DNM3: variants seen among roughly 807,000 people sequenced by gnomAD.
DNM3 encodes the protein dynamin-3.
Under a neutral mutation model 101.6 loss-of-function variants are expected in DNM3, and 47 were observed. The ratio of observed to expected loss-of-function variants is 0.46; its 90% CI spans 0.37 to 0.59. DNM3 has a LOEUF of 0.59. Ranked by LOEUF, DNM3 falls within the 20% of genes least tolerant of loss-of-function variation. The pLI is 0.00. For missense variants in DNM3, 849 were observed against 1,085.7 expected (o/e 0.78, Z 3.06); for synonymous variants, 385 against 387.9 (o/e 0.99, Z 0.09).
At chr1:171,875,589 G>A (rs2035689269) in intron 1 of DNM3, among the ~76,000 whole-genome samples, 1 of 152,110 alleles carries the variant, frequency 6.6e-6, no homozygotes, top group Non-Finnish European at 1.5e-5. Flanking sequence ...GAATACCTGG[G>A]TTCAAATCTC....
chr1:172,255,193 G>A (rs1038863253), intron 15 of DNM3, among the ~76,000 whole-genome samples: 5 of 152,072 alleles, frequency 3.3e-5, no homozygotes, highest in African/African-American at 7.2e-5. Context: ...ATATTCAAAT[G>A]GGATTTTTGA....
At chr1:172,323,848 G>C (rs1365836851) in intron 17 of DNM3, among the ~76,000 whole-genome samples, 2 of 152,160 alleles carry the variant, frequency 1.3e-5, no homozygotes, top group Non-Finnish European at 2.9e-5. Flanking sequence ...GGATGGAGGA[G>C]GGTGGGGTCA....
intron 10 of DNM3, among the ~76,000 whole-genome samples, chr1:172,057,410 A>C (rs1255841797): frequency 6.6e-6 from 1 of 152,144 alleles, no homozygotes; most frequent in Non-Finnish European, 1.5e-5. Flanking sequence ...ACCAAAGTTG[A>C]AATGAAGGAA....
intron 11 of DNM3, among the ~76,000 whole-genome samples, chr1:172,070,234 A>G (rs2052049751): frequency 6.6e-6 from 1 of 152,198 alleles, no homozygotes; most frequent in Middle Eastern, 3.2e-3. Context: ...GTTGAGATGA[A>G]CAAATCAGTA....
At chr1:172,057,003 G>A (rs1439325207) in intron 10 of DNM3, among the ~76,000 whole-genome samples, 2 of 151,998 alleles carry the variant, frequency 1.3e-5, no homozygotes, top group Admixed American at 1.3e-4. Context: ...GCTTAAAGGA[G>A]CTGATGGAGC....
intron 14 of DNM3, among the ~76,000 whole-genome samples, chr1:172,179,310 C>T (rs1406154575): frequency 6.6e-6 from 1 of 151,702 alleles, no homozygotes; most frequent in Non-Finnish European, 1.5e-5. Flanking sequence ...TTTGTTACTC[C>T]CACTAGTATT....
intron 14 of DNM3, among the ~76,000 whole-genome samples, chr1:172,209,876 T>C (rs967719091): frequency 2.6e-5 from 4 of 152,150 alleles, no homozygotes; most frequent in Non-Finnish European, 5.9e-5. Context: ...ATTTTAAAGA[T>C]TATTAATTGT....
At chr1:171,908,444 T>A (rs1166659829) in intron 1 of DNM3, among the ~76,000 whole-genome samples, 1 of 152,198 alleles carries the variant, frequency 6.6e-6, no homozygotes, top group Non-Finnish European at 1.5e-5. Context: ...TATTATTTGC[T>A]AATGGTAGAA....
chr1:171,897,723 ACTTT>A (rs1383354627), intron 1 of DNM3, among the ~76,000 whole-genome samples: 2 of 152,186 alleles, frequency 1.3e-5, no homozygotes, highest in Non-Finnish European at 2.9e-5. Context: ...ATAACATTGA[ACTTT>A]CTTAAATAAT....
Position 172,287,184 on chromosome 1 carries a change from A to G in DNM3, c.1770-21544A>G, listed in dbSNP as rs951389091. Among the ~76,000 whole-genome samples, 6 of 152,306 alleles carry G rather than the reference A, an allele frequency of 3.9e-5. No homozygotes were observed. In the South Asian group the frequency reaches 8.3e-4, roughly 21 times the overall value. On this transcript the variant is annotated intron_variant, in intron 15 of 20. Transcript: ENST00000627582. ...CTAACTCATCACTCCCGCATTTTCTATTTTTGTTTAGATATTTTCTTTGTT... is the reference window on the plus strand; with the variant it reads ...CTAACTCATCACTCCCGCATTTTCTGTTTTTGTTTAGATATTTTCTTTGTT...
At chr1:172,122,578 G>T (rs1421335497) in intron 13 of DNM3, among the ~76,000 whole-genome samples, 1 of 152,114 alleles carries the variant, frequency 6.6e-6, no homozygotes, top group Non-Finnish European at 1.5e-5. Context: ...TTTTTGTTTA[G>T]CTTAATTTAA....
At chr1:172,281,278 G>A (rs2063481722) in intron 15 of DNM3, among the ~76,000 whole-genome samples, 1 of 152,142 alleles carries the variant, frequency 6.6e-6, no homozygotes, top group African/African-American at 2.4e-5. Flanking sequence ...GAACTGAGGA[G>A]ATTGCTGAAA....
chr1:172,052,426 A>T (rs903160038), intron 10 of DNM3, among the ~76,000 whole-genome samples: 4 of 152,116 alleles, frequency 2.6e-5, no homozygotes, highest in Admixed American at 2.6e-4. Flanking sequence ...AGTGACAAAC[A>T]CTCACCTGCT....
intron 13 of DNM3, among the ~76,000 whole-genome samples, chr1:172,128,543 A>G (rs1187065919): frequency 1.3e-5 from 2 of 152,264 alleles, no homozygotes; most frequent in African/African-American, 2.4e-5. Flanking sequence ...ATTAATTTTT[A>G]CAATGAATTT....
At chr1:172,252,446 A>G (rs2148682966) in intron 14 of DNM3, among the ~76,000 whole-genome samples, 1 of 152,280 alleles carries the variant, frequency 6.6e-6, no homozygotes, top group Middle Eastern at 3.4e-3. Context: ...ATGCTGTAGG[A>G]ACAAAAGGAT....
At chr1:171,871,017 ACTAAAGAGG>A (rs2035226798) in intron 1 of DNM3, among the ~76,000 whole-genome samples, 1 of 152,218 alleles carries the variant, frequency 6.6e-6, no homozygotes, top group African/African-American at 2.4e-5. Context: ...CAGAGGGTTG[ACTAAAGAGG>A]CTAAAGAGGC....
In DNM3 at chr1:172,163,387, T is replaced by C. The variant is rs149269242; in HGVS notation, c.1659+32099T>C. Among the ~76,000 whole-genome samples, 628 of 151,932 alleles carry C rather than the reference T, an allele frequency of 4.1e-3. 3 individuals are homozygous for C. The highest frequency in any genetic ancestry group is 0.015 in the African/African-American group (608 of 41,458). Reference sequence around the variant, plus strand: ...CTGAGTAGCTGGGACTACAGGTGCATGCCACCATGCCCAGTTAATTTTTTG... The same window carrying C: ...CTGAGTAGCTGGGACTACAGGTGCACGCCACCATGCCCAGTTAATTTTTTG... On this transcript the variant is annotated intron_variant, in intron 14 of 20. Coordinates refer to ENST00000627582, the MANE Select transcript of DNM3 (RefSeq NM_015569.5).
chr1:172,288,087 G>A (rs888046995), intron 15 of DNM3, among the ~76,000 whole-genome samples: 4 of 152,166 alleles, frequency 2.6e-5, no homozygotes, highest in Admixed American at 1.3e-4. Context: ...CCAAACACCA[G>A]CGCTGTGCTT....
At chr1:171,945,147 G>A (rs977901251) in intron 2 of DNM3, among the ~76,000 whole-genome samples, 3 of 151,936 alleles carry the variant, frequency 2.0e-5, no homozygotes, top group Non-Finnish European at 2.9e-5. Context: ...TGGGATCACA[G>A]GTATGAGCTA....
Sources: gnomAD v4.1 joint callset for allele counts (sites outside exome capture counted in the v4.1 genomes callset) on GRCh38, gnomAD v4.1.1 for gene constraint, MANE v1.5 for transcripts, NCBI Gene and HGNC (gene_info 2026-07-23, HGNC 2026-07-21) for gene names.